Variants in MAGI1 observed in about 807,000 individuals in gnomAD.
The protein encoded by MAGI1 is membrane-associated guanylate kinase, WW and PDZ domain-containing protein 1.
MAGI1 carries 58 observed loss-of-function variants against 139.9 expected under a neutral mutation model. The observed-to-expected ratio is 0.41, with a 90% CI of 0.34 to 0.52. The LOEUF is 0.52. MAGI1 is among the 20% of genes least tolerant of loss of function. The pLI is 0.12. For synonymous variants in MAGI1, 812 were observed against 737.9 expected, an observed-to-expected ratio of 1.10 and a Z score of -1.63; for missense variants, 1,874 against 1,901.6, an observed-to-expected ratio of 0.99 and a Z score of 0.27.
chr3:65,637,602 A>T lies in MAGI1; in HGVS notation c.314-15514T>A, dbSNP rs1323039864. 2.6e-5 allele frequency among the ~76,000 whole-genome samples: 4 copies of T among 151,164 alleles called. No individual in the cohort carries two copies. In the East Asian group the frequency reaches 8.0e-4, roughly 30 times the overall value. ...AAAGAAAGAAAGAAAGAAAGAAAGA[A>T]AGAAAGAAAGAAAGAAAATTGCAAA... is the stretch of plus-strand genomic sequence containing the variant. On this transcript the variant is annotated intron_variant, in intron 1 of 22. Coordinates refer to ENST00000402939, the MANE Select transcript of MAGI1 (RefSeq NM_001033057.2).
intron 2 of MAGI1, among the ~76,000 whole-genome samples, chr3:65,554,709 T>C (rs773577286): frequency 1.3e-5 from 2 of 152,222 alleles, no homozygotes; most frequent in Non-Finnish European, 2.9e-5. Flanking sequence ...ACTTCCTTCA[T>C]GAAATCTTTC....
At chr3:65,689,104 C>T (rs147627615) in intron 1 of MAGI1, among the ~76,000 whole-genome samples, 2 of 152,306 alleles carry the variant, frequency 1.3e-5, no homozygotes, top group East Asian at 3.9e-4. Flanking sequence ...CAAATGGAAA[C>T]ATCTGGAAAC....
intron 2 of MAGI1, among the ~76,000 whole-genome samples, chr3:65,564,805 C>T (rs930058871): frequency 3.3e-5 from 5 of 152,130 alleles, no homozygotes; most frequent in African/African-American, 4.8e-5. Flanking sequence ...TTTTTCTCAT[C>T]ATTAAATGCC....
chr3:65,911,342 G>C (rs1195248423), intron 1 of MAGI1, among the ~76,000 whole-genome samples: 1 of 151,938 alleles, frequency 6.6e-6, no homozygotes, highest in Non-Finnish European at 1.5e-5. Context: ...AAAAGGGTTG[G>C]AGTTGGCTCA....
intron 1 of MAGI1, among the ~76,000 whole-genome samples, chr3:65,634,956 A>G (rs1174423756): frequency 1.3e-5 from 2 of 151,080 alleles, no homozygotes; most frequent in Non-Finnish European, 2.9e-5. Context: ...AGGTGTAAAT[A>G]TGGACAGATG....
intron 1 of MAGI1, among the ~76,000 whole-genome samples, chr3:65,924,656 C>T (rs1049924697): frequency 1.3e-5 from 2 of 152,252 alleles, no homozygotes; most frequent in South Asian, 2.1e-4. Flanking sequence ...TCTTAATTAC[C>T]GAAGGTCCAC....
At chr3:65,691,942 T>C (rs545771052) in intron 1 of MAGI1, among the ~76,000 whole-genome samples, 2 of 152,340 alleles carry the variant, frequency 1.3e-5, no homozygotes, top group South Asian at 2.1e-4. Context: ...ATAGCCATTA[T>C]TAAATCAAAA....
chr3:65,381,659 G>T (rs1943062422), intron 16 of MAGI1, among the ~76,000 whole-genome samples: 1 of 152,144 alleles, frequency 6.6e-6, no homozygotes. Flanking sequence ...TCCTCTGGAA[G>T]CCTTTGTTGA....
intron 1 of MAGI1, among the ~76,000 whole-genome samples, chr3:65,975,128 T>C (rs1435091259): frequency 1.3e-5 from 2 of 150,742 alleles, no homozygotes; most frequent in African/African-American, 2.4e-5. Flanking sequence ...ATGAGAAATG[T>C]CAACTTGGAT....
At chr3:65,747,875 C>G (rs1053505823) in intron 1 of MAGI1, among the ~76,000 whole-genome samples, 20 of 152,146 alleles carry the variant, frequency 1.3e-4, no homozygotes, top group African/African-American at 4.6e-4. Flanking sequence ...GAACCACTGG[C>G]CTACAGAAAG....
intron 2 of MAGI1, among the ~76,000 whole-genome samples, chr3:65,583,474 A>C (rs1258727233): frequency 6.6e-6 from 1 of 152,074 alleles, no homozygotes; most frequent in Non-Finnish European, 1.5e-5. Flanking sequence ...CTAGAACCCC[A>C]TTTTGTTGAA....
At chr3:65,743,538 T>C (rs981166908) in intron 1 of MAGI1, among the ~76,000 whole-genome samples, 1 of 151,294 alleles carries the variant, frequency 6.6e-6, no homozygotes, top group South Asian at 2.1e-4. Context: ...TGAAATCTCA[T>C]CTCTAATAAA....
At chr3:65,443,296 ATCTGCATGTTATCT>A (rs1457576546) in intron 7 of MAGI1, among the ~76,000 whole-genome samples, 1 of 152,170 alleles carries the variant, frequency 6.6e-6, no homozygotes, top group Non-Finnish European at 1.5e-5. Context: ...ATAAAATAAA[ATCTGCATGTTATCT>A]TCTCCTTGTT....
chr3:65,620,318 G>C (rs1371823080), intron 2 of MAGI1, among the ~76,000 whole-genome samples: 5 of 152,132 alleles, frequency 3.3e-5, no homozygotes, highest in Non-Finnish European at 5.9e-5. Context: ...GATGACATAA[G>C]AGTGAAAAAG....
chr3:65,683,477 A>T lies in MAGI1; in HGVS notation c.314-61389T>A, dbSNP rs1353218467. ...TGCTCTAAAAAAATAAAGCCTTATT[A>T]AAAAAAAGAAAAGAAAAAAAAGACA... On this transcript the variant is annotated intron_variant, in intron 1 of 22. Transcript: ENST00000402939. Among the ~76,000 whole-genome samples the T allele has an allele frequency of 6.9e-5, 10 of 144,696 alleles. No individual in the cohort carries two copies. In the East Asian group the frequency reaches 1.7e-3, roughly 25 times the overall value. The allele number at this position is 144,696 out of a possible 152,430, so 94.9% of individuals were successfully genotyped here. A position where few individuals can be genotyped will look rare whatever the true frequency, so the allele number is the denominator to read the frequency against.
chr3:65,985,188 T>A (rs188195490), intron 1 of MAGI1, among the ~76,000 whole-genome samples: 6 of 152,316 alleles, frequency 3.9e-5, no homozygotes, highest in African/African-American at 1.4e-4. Flanking sequence ...CTGAATATTA[T>A]TGGATGGAGA....
chr3:65,832,921 C>G (rs2042603949), intron 1 of MAGI1, among the ~76,000 whole-genome samples: 1 of 152,160 alleles, frequency 6.6e-6, no homozygotes, highest in Non-Finnish European at 1.5e-5. Context: ...ATGACTGTAT[C>G]AAGGAAGCAG....
At chr3:65,876,064 G>T (rs1022709759) in intron 1 of MAGI1, among the ~76,000 whole-genome samples, 5 of 151,426 alleles carry the variant, frequency 3.3e-5, no homozygotes, top group Middle Eastern at 3.4e-3. Flanking sequence ...TGCTGTGAGG[G>T]TTTTTCAGTT....
chr3:65,593,697 T>C (rs567503859), intron 2 of MAGI1, among the ~76,000 whole-genome samples: 3 of 152,340 alleles, frequency 2.0e-5, no homozygotes, highest in Admixed American at 1.3e-4. Context: ...AAGTTCTTAA[T>C]GTGTCCATTC....
Sources: gnomAD v4.1 joint callset for allele counts (sites outside exome capture counted in the v4.1 genomes callset) on GRCh38, gnomAD v4.1.1 for gene constraint, MANE v1.5 for transcripts, NCBI Gene and HGNC (gene_info 2026-07-23, HGNC 2026-07-21) for gene names.